Variants in STOX1 observed in about 807,000 individuals in gnomAD.
The protein encoded by STOX1 is storkhead box 1, also known as storkhead-box protein 1.
In STOX1, 57 loss-of-function variants were observed where a neutral mutation model predicts 74.8. The observed-to-expected ratio is 0.76, with a 90% CI of 0.62 to 0.95. The LOEUF (loss-of-function observed/expected upper bound fraction) is 0.95, where lower values mean the gene tolerates loss of function less well. Among genes scored for constraint, STOX1 ranks in the 40% least tolerant of loss-of-function variants. STOX1 has a pLI of 0.00. For synonymous variants in STOX1, 375 were observed against 401.3 expected, an observed-to-expected ratio of 0.93 and a Z score of 0.78; for missense variants, 1,010 against 1,117.0, an observed-to-expected ratio of 0.90 and a Z score of 1.37.
Position 68,886,503 on chromosome 10 carries a change from C to A in STOX1, c.2707C>A (p.Leu903Ile). The A allele has an allele frequency of 6.2e-7, 1 of 1,614,056 alleles. No individual in the cohort carries two copies. The highest frequency in any genetic ancestry group is 1.7e-4 in the Middle Eastern group (1 of 6,060). The change falls in exon 3 of 4, where the codon CTT (leucine) becomes ATT (isoleucine). Residue 903 changes from leucine to isoleucine, a missense_variant. Transcript: ENST00000298596. ...MRKHFPQKFQ[L>I]FNTSHMPVLA... is the part of the protein sequence containing the mutation. ...AAAACATTTCCCACAAAAGTTCCAACTTTTCAACACTTCACATATGCCAGT... is the reference window on the plus strand; with the variant it reads ...AAAACATTTCCCACAAAAGTTCCAAATTTTCAACACTTCACATATGCCAGT...
At position 68,885,026 on chromosome 10, in the gene STOX1, G is replaced by A. The variant is rs751544875; in HGVS notation, c.1230G>A (p.Glu410=). 1 of 1,614,178 alleles carries A rather than the reference G, an allele frequency of 6.2e-7. No homozygotes were observed. Among genetic ancestry groups the A allele is most frequent in the Admixed American group, 1.7e-5 (1 of 60,022 alleles). ...LTIGHKYPSK[E]GVKKRQGLSA... ...TCGGGCATAAGTATCCTTCAAAAGA[G>A]GGGGTTAAGAAAAGGCAGGGTCTGT... Residue 410 remains glutamate, a synonymous_variant, in exon 3 of 4, where the codon GAG becomes GAA. Transcript: ENST00000298596.
intron 3 of STOX1, 36 bp downstream of exon 3, chr10:68,886,654 C>A: frequency 1.3e-6 from 2 of 1,592,366 alleles, no homozygotes; most frequent in Non-Finnish European, 1.7e-6. Flanking sequence ...TTAGGCCGGG[C>A]GCAGTGGCTC....
intron 3 of STOX1, among the ~76,000 whole-genome samples, chr10:68,889,270 C>T (rs1314201850): frequency 3.3e-5 from 5 of 152,218 alleles, no homozygotes; most frequent in African/African-American, 1.2e-4. Flanking sequence ...CCGCACTGGC[C>T]ATCAGGCTAA....
chr10:68,859,659 G>A (rs533869341), intron 1 of STOX1, among the ~76,000 whole-genome samples: 2 of 152,170 alleles, frequency 1.3e-5, no homozygotes, highest in South Asian at 4.1e-4. Context: ...AATGCCTAAT[G>A]TCCTTGGCTA....
At chr10:68,840,951 C>G (rs1406985346) in intron 1 of STOX1, among the ~76,000 whole-genome samples, 1 of 133,942 alleles carries the variant, frequency 7.5e-6, no homozygotes, top group Non-Finnish European at 1.6e-5. Flanking sequence ...TTGCTTTTTG[C>G]TTTTTTTTTT....
chr10:68,851,298 CT>C (rs1441687606), intron 1 of STOX1, among the ~76,000 whole-genome samples: 1 of 115,490 alleles, frequency 8.7e-6, no homozygotes, highest in Non-Finnish European at 1.8e-5. Context: ...GTGAGACTTT[CT>C]AAAAAAAAAA....
rs769055094 is a variant in STOX1 at position 68,885,220 on chromosome 10, C to T, written c.1424C>T (p.Pro475Leu). 23 of 1,614,176 alleles carry T rather than the reference C, an allele frequency of 1.4e-5. No individual in the cohort carries two copies. In the South Asian group the frequency reaches 1.6e-4, roughly 12 times the overall value. ...CCAAATGAAATGGTAGGTCAGAAAC[C>T]ACTTGGTGAGATTACAACAGTGCTA... The part of the protein sequence containing the change: ...KSPNEMVGQK[P>L]LGEITTVLGS... Residue 475 changes from proline (P) to leucine (L), a missense_variant, in exon 3 of 4, where the codon CCA (proline) becomes CTA (leucine). By Grantham distance (98) the Pro-to-Leu change is moderately conservative (BLOSUM62 -3). Coordinates refer to ENST00000298596, the MANE Select transcript of STOX1 (RefSeq NM_152709.5).
rs947556720 is a variant in STOX1 at position 68,829,535 on chromosome 10, G to A, written c.310+1602G>A. On this transcript the variant is annotated intron_variant, in intron 1 of 3. Transcript: ENST00000298596. Reference sequence around the variant, plus strand: ...TCCGTCTCAAAAGGAAAAAGAAGAAGAAAGAAAAGAAAAAAAGCACTTATT... The same window carrying A: ...TCCGTCTCAAAAGGAAAAAGAAGAAAAAAGAAAAGAAAAAAAGCACTTATT... Among the ~76,000 whole-genome samples the A allele has an allele frequency of 2.0e-5, 3 of 152,016 alleles. No homozygotes were observed. The East Asian group carries it at 5.8e-4, about 29-fold the overall frequency.
At chr10:68,845,672 G>A (rs1839824374) in intron 1 of STOX1, among the ~76,000 whole-genome samples, 1 of 151,562 alleles carries the variant, frequency 6.6e-6, no homozygotes. Flanking sequence ...CAAGATCTTG[G>A]CTCAATGCAA....
At chr10:68,883,041 C>T (rs1024296741) in intron 2 of STOX1, among the ~76,000 whole-genome samples, 3 of 152,130 alleles carry the variant, frequency 2.0e-5, no homozygotes, top group East Asian at 3.9e-4. Context: ...ACCACAGGTG[C>T]GCACCACTCA....
intron 1 of STOX1, among the ~76,000 whole-genome samples, chr10:68,846,130 T>TA (rs1486400653): frequency 2.4e-4 from 34 of 141,028 alleles, no homozygotes; most frequent in Admixed American, 1.9e-3. Flanking sequence ...TTATTATTAT[T>TA]ATTATTATTA....
In STOX1 at chr10:68,842,073, C is replaced by G. The variant is rs984028340; in HGVS notation, c.310+14140C>G. Among the ~76,000 whole-genome samples the G allele has an allele frequency of 7.9e-5, 12 of 152,270 alleles. No homozygotes were observed. In the South Asian group the frequency reaches 1.9e-3, roughly 24 times the overall value. ...TCCGGGCCATCTGAAGAGTATTAAC[C>G]ATGTGACCTGGGGCAGAGCAGTCCT... is the stretch of plus-strand genomic sequence containing the variant. On this transcript the variant is annotated intron_variant, in intron 1 of 3. Coordinates refer to ENST00000298596, the MANE Select transcript of STOX1 (RefSeq NM_152709.5).
At chr10:68,833,879 A>G (rs183722968) in intron 1 of STOX1, among the ~76,000 whole-genome samples, 1 of 152,144 alleles carries the variant, frequency 6.6e-6, no homozygotes, top group Non-Finnish European at 1.5e-5. Flanking sequence ...GTTTTAATGC[A>G]TCTTTCATTC....
intron 1 of STOX1, among the ~76,000 whole-genome samples, chr10:68,833,767 CT>C (rs1448374172): frequency 6.1e-4 from 93 of 152,244 alleles, no homozygotes; most frequent in Non-Finnish European, 1.0e-4. Context: ...TTTAGTTTTG[CT>C]TTTCTTTCTT....
At chr10:68,833,346 C>T (rs1156592536) in intron 1 of STOX1, among the ~76,000 whole-genome samples, 1 of 152,152 alleles carries the variant, frequency 6.6e-6, no homozygotes, top group Admixed American at 6.6e-5. Context: ...GCCTCAGCCT[C>T]CCAAAGTACT....
At position 68,865,090 on chromosome 10, in the gene STOX1, C is replaced by T. The variant is rs529787642; in HGVS notation, c.311-16868C>T. On this transcript the variant is annotated intron_variant, in intron 1 of 3. Transcript: ENST00000298596. ...ATCATAATATTGGAGTAATATTTCC[C>T]GAGTGGGGGCAGCACAAAGAATATC... Among the ~76,000 whole-genome samples, 13 of 147,436 alleles carry T rather than the reference C, an allele frequency of 8.8e-5. No individual in the cohort carries two copies. In the East Asian group the frequency reaches 1.5e-3, roughly 18 times the overall value.
chr10:68,876,119 A>AATATATAT (rs56325624), intron 1 of STOX1, among the ~76,000 whole-genome samples: 175 of 135,686 alleles, frequency 1.3e-3, no homozygotes, highest in Non-Finnish European at 2.0e-3. Context: ...TCTTTACCAG[A>AATATATAT]ATATATATAT....
At chr10:68,853,815 A>G (rs948216879) in intron 1 of STOX1, among the ~76,000 whole-genome samples, 2 of 151,014 alleles carry the variant, frequency 1.3e-5, no homozygotes, top group Non-Finnish European at 2.9e-5. Context: ...CCTCCCAAGT[A>G]TCTCGGATTA....
chr10:68,851,827 C>T (rs906329710), intron 1 of STOX1, among the ~76,000 whole-genome samples: 12 of 151,748 alleles, frequency 7.9e-5, no homozygotes, highest in African/African-American at 2.2e-4. Context: ...GGCAACAGAG[C>T]GAGACTCTTG....
Sources: gnomAD v4.1 joint callset for allele counts (sites outside exome capture counted in the v4.1 genomes callset) on GRCh38, gnomAD v4.1.1 for gene constraint, MANE v1.5 for transcripts, NCBI Gene and HGNC (gene_info 2026-07-23, HGNC 2026-07-21) for gene names.